IARS2: variants seen among roughly 807,000 people sequenced by gnomAD.
IARS2 encodes isoleucine--tRNA ligase, mitochondrial.
IARS2 carries 56 observed loss-of-function variants against 126.3 expected under a neutral mutation model. The ratio of observed to expected loss-of-function variants is 0.44; its 90% CI spans 0.36 to 0.55. The LOEUF (loss-of-function observed/expected upper bound fraction) is 0.55. IARS2 is among the 20% of genes least tolerant of loss of function. The probability of loss-of-function intolerance (pLI) is 0.00; values close to 1 mark genes in which losing one functional copy is unlikely to be tolerated. For synonymous variants in IARS2, 407 were observed against 441.1 expected, an observed-to-expected ratio of 0.92 and a Z score of 0.97; for missense variants, 1,127 against 1,245.9, an observed-to-expected ratio of 0.90 and a Z score of 1.44.
chr1:220,094,221 G>C lies in IARS2; in HGVS notation c.5G>C (p.Arg2Pro), dbSNP rs1252498442. Residue 2 changes from arginine to proline, a missense_variant, in exon 1 of 23, where the codon CGT (arginine) becomes CCT (proline). Coordinates refer to ENST00000366922, the MANE Select transcript of IARS2 (RefSeq NM_018060.4). MRWGLRPRGPGA... is the reference protein window; with the variant it reads MPWGLRPRGPGA... ...GCTCTCAGGGGTTGCCGGACCATGC[G>C]TTGGGGGCTGCGCCCTCGCGGGCCG... 13 of 1,579,332 alleles carry C rather than the reference G, an allele frequency of 8.2e-6. No homozygotes were observed. The highest frequency in any genetic ancestry group is 1.8e-5 in the Admixed American group (1 of 56,200).
intron 1 of IARS2, among the ~76,000 whole-genome samples, chr1:220,095,318 C>T (rs1656416041): frequency 6.6e-6 from 1 of 152,188 alleles, no homozygotes; most frequent in Non-Finnish European, 1.5e-5. Context: ...GGATTACAGG[C>T]CTGAGCCACT....
chr1:220,139,066 A>C lies in IARS2; in HGVS notation c.2234A>C (p.Asp745Ala). ...GTGGCTGATTTCAACCCAGAAACAG[A>C]TTCCATCCCTGTAAACGATATGTAT... ...GNVADFNPET[D>A]SIPVNDMYVI... Residue 745 changes from aspartate to alanine, a missense_variant, in exon 18 of 23, where the codon GAT (aspartate) becomes GCT (alanine). Asp to Ala is a moderately radical substitution (Grantham distance 126). Transcript: ENST00000366922. The C allele has an allele frequency of 6.2e-7, 1 of 1,613,270 alleles. No individual in the cohort carries two copies. Among genetic ancestry groups the C allele is most frequent in the Admixed American group, 1.7e-5 (1 of 60,010 alleles).
At chr1:220,143,836 G>A in intron 21 of IARS2, 1 of 556,636 alleles carries the variant, frequency 1.8e-6, no homozygotes, top group East Asian at 3.0e-5. Flanking sequence ...TGGCCAGATT[G>A]GCTTATAGCT....
At chr1:220,143,991 G>A (rs1314389725) in intron 21 of IARS2, 5 of 1,520,792 alleles carry the variant, frequency 3.3e-6, no homozygotes, top group Non-Finnish European at 4.5e-6. Flanking sequence ...TCCCTCCTGT[G>A]TGTTTTCATC....
Position 220,106,063 on chromosome 1 carries a change from A to G in IARS2, c.1236+3A>G. 1 of 1,591,788 alleles carries G rather than the reference A, an allele frequency of 6.3e-7. No homozygotes were observed. The highest frequency in any genetic ancestry group is 8.6e-7 in the Non-Finnish European group (1 of 1,166,938). ...CGTCTCAGCACAACCTGCCCATGGT[A>G]CTGTTCCTCTTTTATCATTTTTAAT... On this transcript the variant is annotated splice_donor_region_variant and intron_variant, in intron 9 of 22. Transcript: ENST00000366922.
Position 220,147,665 on chromosome 1 carries a change from C to CCTGA in IARS2, c.*32_*35dup. The CCTGA allele has an allele frequency of 6.2e-7, 1 of 1,610,600 alleles. No homozygotes were observed. The highest frequency in any genetic ancestry group is 8.5e-7 in the Non-Finnish European group (1 of 1,177,540). ...AACAGCTCACTCGAGCAAGAACCCTCCTGACAGTACTGGCTAGAAGTTTGG... is the reference window on the plus strand; with the variant it reads ...AACAGCTCACTCGAGCAAGAACCCTCCTGACTGACAGTACTGGCTAGAAGTTTGG... On this transcript the variant is annotated 3_prime_UTR_variant, in exon 23 of 23. Transcript: ENST00000366922.
intron 16 of IARS2, 196 bp from the exon 17 acceptor site, chr1:220,137,722 G>A (rs1209841077): frequency 1.1e-5 from 6 of 559,742 alleles, no homozygotes; most frequent in East Asian, 3.0e-5. Flanking sequence ...TGCAGAGCAC[G>A]CTCTTTCTTT....
At chr1:220,107,749 T>C (rs551334130) in intron 10 of IARS2, among the ~76,000 whole-genome samples, 1 of 152,358 alleles carries the variant, frequency 6.6e-6, no homozygotes, top group East Asian at 1.9e-4. Context: ...AAATTCATCG[T>C]ACTGGCAGGA....
chr1:220,121,491 G>A (rs1657050099), intron 12 of IARS2, among the ~76,000 whole-genome samples: 3 of 150,746 alleles, frequency 2.0e-5, no homozygotes, highest in South Asian at 2.1e-4. Flanking sequence ...AGCAAAACTG[G>A]AATCTTTCTT....
intron 15 of IARS2, chr1:220,134,728 G>A (rs939979064): frequency 2.8e-6 from 1 of 351,906 alleles, no homozygotes; most frequent in Non-Finnish European, 5.1e-6. Flanking sequence ...AGCATTGACT[G>A]GAGTAGTTGG....
chr1:220,107,341 A>C (rs1008140609), intron 10 of IARS2, among the ~76,000 whole-genome samples, 190 bp downstream of exon 10: 1 of 152,214 alleles, frequency 6.6e-6, no homozygotes, highest in African/African-American at 2.4e-5. Flanking sequence ...TATTTAAGCA[A>C]GTCAGGGCAG....
intron 12 of IARS2, among the ~76,000 whole-genome samples, chr1:220,120,423 G>A (rs1327617894): frequency 6.6e-6 from 1 of 150,738 alleles, no homozygotes; most frequent in Non-Finnish European, 1.5e-5. Context: ...TTGCCAGGCT[G>A]GAGTGCAGTG....
At chr1:220,105,341 T>G (rs535510088) in intron 8 of IARS2, among the ~76,000 whole-genome samples, 1 of 152,200 alleles carries the variant, frequency 6.6e-6, no homozygotes, top group Admixed American at 6.5e-5. Flanking sequence ...GTGTTAAGGT[T>G]GAATTTAAAG....
intron 22 of IARS2, 120 bp downstream of exon 22, chr1:220,145,773 T>C (rs900436279): frequency 1.3e-6 from 1 of 742,952 alleles, no homozygotes; most frequent in Non-Finnish European, 2.0e-6. Flanking sequence ...AATACATCTT[T>C]CTATGGAAAT....
intron 7 of IARS2, among the ~76,000 whole-genome samples, chr1:220,103,085 G>A (rs1407341557): frequency 6.6e-6 from 1 of 151,268 alleles, no homozygotes; most frequent in Non-Finnish European, 1.5e-5. Flanking sequence ...TTGTTGCCCA[G>A]GCTGGAGTAC....
At chr1:220,105,706 C>T (rs1656665824) in intron 8 of IARS2, among the ~76,000 whole-genome samples, 185 bp from the exon 9 acceptor site, 1 of 152,074 alleles carries the variant, frequency 6.6e-6, no homozygotes, top group Admixed American at 6.6e-5. Context: ...GAGGTGGGAA[C>T]CATAATTATC....
intron 3 of IARS2, among the ~76,000 whole-genome samples, chr1:220,101,643 A>G (rs1283547984): frequency 4.6e-5 from 7 of 151,292 alleles, no homozygotes; most frequent in Non-Finnish European, 8.8e-5. Context: ...CAGAGGTTAC[A>G]GTGAGCTGAG....
chr1:220,113,926 T>C (rs1246044803), intron 11 of IARS2, among the ~76,000 whole-genome samples: 2 of 152,250 alleles, frequency 1.3e-5, no homozygotes, highest in African/African-American at 2.4e-5. Flanking sequence ...TAAAAAATGG[T>C]GGAAATCAAG....
rs1239079143 is a variant in IARS2, at chr1:220,126,730, C to T, written c.1744-20C>T. ...TTGTGATCTTTGTGTACCTGACATG[C>T]TTTTGCATTATCTTACTAGGTTGGT... On this transcript the variant is annotated intron_variant, in intron 13 of 22. Transcript: ENST00000366922. 1 of 1,576,576 alleles carries T rather than the reference C, an allele frequency of 6.3e-7. No individual in the cohort carries two copies. Among genetic ancestry groups the T allele is most frequent in the Non-Finnish European group, 8.7e-7 (1 of 1,147,808 alleles).
Sources: gnomAD v4.1 joint callset for allele counts (sites outside exome capture counted in the v4.1 genomes callset) on GRCh38, gnomAD v4.1.1 for gene constraint, MANE v1.5 for transcripts, NCBI Gene and HGNC (gene_info 2026-07-23, HGNC 2026-07-21) for gene names.